Variants in CCR6 observed in about 807,000 individuals in gnomAD.
CCR6 encodes C-C chemokine receptor type 6.
Under a neutral mutation model 3.0 loss-of-function variants are expected in CCR6, and 2 were observed. That is an observed-to-expected ratio of 0.66 (90% CI 0.27 to 2.07). The LOEUF (loss-of-function observed/expected upper bound fraction) is 2.07. Among genes scored for constraint, CCR6 ranks in the 30% most tolerant of loss-of-function variants. The pLI is 0.14. For synonymous variants in CCR6, 193 were observed against 184.3 expected (o/e 1.05, Z -0.38); for missense variants, 322 against 462.8 (o/e 0.70, Z 2.79).
intron 1 of CCR6, among the ~76,000 whole-genome samples, chr6:167,131,000 T>TTGGGACCCCTCCCTC (rs1781753528): frequency 8.5e-6 from 1 of 117,116 alleles, no homozygotes; most frequent in African/African-American, 3.6e-5. Flanking sequence ...CCCCCTCCCT[T>TTGGGACCCCTCCCTC]TGGGACCCCT....
chr6:167,133,930 GTGTATATATATATATATA>G (rs1781807659), intron 1 of CCR6, among the ~76,000 whole-genome samples: 1 of 29,024 alleles, frequency 3.4e-5, no homozygotes, highest in African/African-American at 1.2e-4. Context: ...TGATATATGT[GTGTATATATATATATATA>G]TATATATATA....
chr6:167,129,892 G>T (rs1435392049), intron 1 of CCR6, among the ~76,000 whole-genome samples: 1 of 151,662 alleles, frequency 6.6e-6, no homozygotes, highest in Non-Finnish European at 1.5e-5. Context: ...TATTGGAAAA[G>T]AAGCCTCTTA....
At chr6:167,133,225 C>A (rs1348242909) in intron 1 of CCR6, among the ~76,000 whole-genome samples, 1 of 151,968 alleles carries the variant, frequency 6.6e-6, no homozygotes, top group East Asian at 1.9e-4. Context: ...CCCATTTTTC[C>A]TTCTAGATGT....
chr6:167,129,470 G>A (rs1263993009), intron 1 of CCR6: 1 of 152,182 alleles, frequency 6.6e-6, no homozygotes, highest in East Asian at 1.9e-4. Context: ...TCATTCGGAG[G>A]CATTATCTTC....
Position 167,137,783 on chromosome 6 carries a change from A to C in CCR6, c.*428A>C, listed in dbSNP as rs543513205. ...AAAAATGGAAGCCAACACATCACTCATTTTAGGCAAATGTTTAAACATTTT... is the reference window on the plus strand; with the variant it reads ...AAAAATGGAAGCCAACACATCACTCCTTTTAGGCAAATGTTTAAACATTTT... On this transcript the variant is annotated 3_prime_UTR_variant, in exon 3 of 3. Coordinates refer to ENST00000341935, the MANE Select transcript of CCR6 (RefSeq NM_031409.4). This position sits in a 1 kb window ranked among gnomAD's most constrained non-coding sequence, Gnocchi z 4.6. 31 of 163,972 alleles carry C rather than the reference A, an allele frequency of 1.9e-4. No homozygotes were observed. The South Asian group carries it at 4.9e-3, about 26-fold the overall frequency. The allele number at this position is 163,972 out of a possible 1,614,324, so 10.2% of individuals were successfully genotyped here.
chr6:167,120,225 C>T (rs1161779115), upstream of CCR6, among the ~76,000 whole-genome samples: 6 of 152,240 alleles, frequency 3.9e-5, no homozygotes, highest in South Asian at 1.2e-3. Context: ...TCCGAAGGCT[C>T]GATTGGGCTG....
intron 1 of CCR6, among the ~76,000 whole-genome samples, chr6:167,134,773 G>T (rs1161568014): frequency 1.3e-5 from 2 of 152,216 alleles, no homozygotes; most frequent in Non-Finnish European, 2.9e-5. Context: ...GAGGAAGATG[G>T]GCGATTGGCT....
intron 1 of CCR6, among the ~76,000 whole-genome samples, chr6:167,127,684 G>A (rs1257249885): frequency 6.6e-6 from 1 of 152,092 alleles, no homozygotes; most frequent in Admixed American, 6.5e-5. Flanking sequence ...AAAACACTAG[G>A]CAGAGAGATG....
At chr6:167,117,509 C>T (rs931864350) in intron 1 of CCR6, among the ~76,000 whole-genome samples, 21 of 149,336 alleles carry the variant, frequency 1.4e-4, no homozygotes, top group South Asian at 4.2e-4. Context: ...CTCCGCCTCC[C>T]GGGTTCACGC....
chr6:167,130,354 A>C (rs41463845), intron 1 of CCR6, among the ~76,000 whole-genome samples: 3,413 of 151,930 alleles, frequency 0.022, 277 homozygotes, highest in African/African-American at 0.079. Context: ...AAGAAGGAAC[A>C]GAAATATCTA....
intron 1 of CCR6, among the ~76,000 whole-genome samples, chr6:167,114,793 T>C (rs552973432): frequency 7.5e-4 from 114 of 152,342 alleles, no homozygotes; most frequent in Admixed American, 1.6e-3. Flanking sequence ...CGAGCAGTGC[T>C]GTAAATCCCA....
Position 167,130,974 on chromosome 6 carries a change from CCA to C in CCR6, c.-97-5062_-97-5061del, listed in dbSNP as rs201555077. ...CCCTCCGGGACTCCTCCCTCTGGGA[CCA>C]CCCTCCCTCTGGACCCCCTCCCTTT... On this transcript the variant is annotated intron_variant, in intron 1 of 2. Transcript: ENST00000341935. Among the ~76,000 whole-genome samples, 82 of 77,266 alleles carry C rather than the reference CCA, an allele frequency of 1.1e-3. 2 individuals carry two copies. The highest frequency in any genetic ancestry group is 4.0e-3 in the African/African-American group (73 of 18,294). The allele number at this position is 77,266 out of a possible 152,430, so 50.7% of individuals were successfully genotyped here. A position where few individuals can be genotyped will look rare whatever the true frequency, so the allele number is the denominator to read the frequency against.
In CCR6 at chr6:167,136,918, A is replaced by G. The variant is rs1282727315; in HGVS notation, c.688A>G (p.Met230Val). Residue 230 changes from methionine (M) to valine (V), a missense_variant, in exon 3 of 3, where the codon ATG becomes GTG. By Grantham distance (21) the Met-to-Val change is conservative. Coordinates refer to ENST00000341935, the MANE Select transcript of CCR6 (RefSeq NM_031409.4). The surrounding 1 kb of genome is among the most constrained non-coding windows in gnomAD (Gnocchi z 4.6). ...TGGTTTCTTTATCCCTTTGATGTTC[A>G]TGATATTTTGTTACACGTTCATTGT... is the stretch of plus-strand genomic sequence containing the variant. ...LFGFFIPLMFMIFCYTFIVKT... is the reference protein window; with the variant it reads ...LFGFFIPLMFVIFCYTFIVKT... The G allele has an allele frequency of 6.2e-7, 1 of 1,614,062 alleles. No homozygotes were observed. Among genetic ancestry groups the G allele is most frequent in the Non-Finnish European group, 8.5e-7 (1 of 1,180,046 alleles).
upstream of CCR6, among the ~76,000 whole-genome samples, chr6:167,118,744 G>A (rs569734520): frequency 1.6e-4 from 24 of 152,252 alleles, no homozygotes; most frequent in African/African-American, 4.3e-4. Context: ...AGGAAGTTGC[G>A]TTTTTCCTCT....
chr6:167,132,283 T>C (rs1562560112), intron 1 of CCR6, among the ~76,000 whole-genome samples: 1 of 152,182 alleles, frequency 6.6e-6, no homozygotes, highest in Non-Finnish European at 1.5e-5. Context: ...ATAAACCTGC[T>C]GGGAATGTTC....
rs1469480292 is a variant in CCR6, at chr6:167,139,077, C to T, written c.*1722C>T. On this transcript the variant is annotated 3_prime_UTR_variant, in exon 3 of 3. Transcript: ENST00000341935. ...AAATGCAAAATAATGTCTTAAGATT[C>T]AAAGTCTGTATTTTTAAAGCATGGC... 2.6e-5 allele frequency: 4 copies of T among 152,230 alleles called. No individual in the cohort carries two copies. The East Asian group carries it at 7.5e-4, about 29-fold the overall frequency. 9.4% of individuals were successfully genotyped at this position (152,230 alleles called of 1,614,324 possible). A position where few individuals can be genotyped will look rare whatever the true frequency, so the allele number is the denominator to read the frequency against.
upstream of CCR6, chr6:167,119,383 C>T (rs1781552097): frequency 6.6e-6 from 1 of 152,344 alleles, no homozygotes; most frequent in African/African-American, 2.4e-5. Flanking sequence ...GTATTTAGGC[C>T]TCAACTTTCC....
At chr6:167,117,566 GC>G (rs1781519348) in intron 1 of CCR6, among the ~76,000 whole-genome samples, 1 of 151,384 alleles carries the variant, frequency 6.6e-6, no homozygotes, top group Non-Finnish European at 1.5e-5. Flanking sequence ...ACAGGCGCGC[GC>G]CACCACGCCC....
upstream of CCR6, among the ~76,000 whole-genome samples, chr6:167,119,914 A>G (rs1781560778): frequency 6.6e-6 from 1 of 151,718 alleles, no homozygotes; most frequent in Non-Finnish European, 1.5e-5. Context: ...CTGTCCCTCC[A>G]CTCTCAGCAC....
Sources: allele counts gnomAD v4.1 joint callset (sites outside exome capture counted in the v4.1 genomes callset), GRCh38; gene constraint gnomAD v4.1.1; non-coding constraint Gnocchi (gnomAD v3.1); transcripts MANE v1.5; gene names NCBI Gene and HGNC (gene_info 2026-07-23, HGNC 2026-07-21).